PDE4D: variants seen among roughly 807,000 people sequenced by gnomAD.
PDE4D encodes the protein 3',5'-cyclic-AMP phosphodiesterase 4D.
In PDE4D, 24 loss-of-function variants were observed where a neutral mutation model predicts 87.4. The observed-to-expected ratio is 0.27, with a 90% confidence interval of 0.20 to 0.39. The LOEUF (loss-of-function observed/expected upper bound fraction) is 0.39, where lower values mean the gene tolerates loss of function less well. Ranked by LOEUF, PDE4D falls within the 10% of genes least tolerant of loss-of-function variation. PDE4D has a pLI of 1.00. For missense variants in PDE4D, 714 were observed against 1,041.0 expected (o/e 0.69, Z 4.32); for synonymous variants, 384 against 383.2 (o/e 1.00, Z -0.02).
chr5:59,801,889 G>C (rs1180334729), intron 1 of PDE4D, among the ~76,000 whole-genome samples: 1 of 152,112 alleles, frequency 6.6e-6, no homozygotes, highest in African/African-American at 2.4e-5. Context: ...TTCTAGATCA[G>C]AACAAGTTTA....
At chr5:59,157,235 C>A (rs1561587705) in intron 5 of PDE4D, 2 of 690,582 alleles carry the variant, frequency 2.9e-6, no homozygotes, top group South Asian at 3.1e-5. Context: ...CCTAGTAAAT[C>A]ACTTGTATTG....
intron 2 of PDE4D, among the ~76,000 whole-genome samples, chr5:60,012,798 C>T (rs1765142286): frequency 6.6e-6 from 1 of 152,084 alleles, no homozygotes; most frequent in African/African-American, 2.4e-5. Context: ...AACCTGAATC[C>T]CATGAAAATT....
chr5:59,415,552 G>T lies in PDE4D; in HGVS notation c.456-199584C>A, dbSNP rs116929812. Reference sequence around the variant, plus strand: ...TTTATGAATTAAAAGACTGATAGTTGATTTAATAATACTATATTTGGAACA... The same window carrying T: ...TTTATGAATTAAAAGACTGATAGTTTATTTAATAATACTATATTTGGAACA... On this transcript the variant is annotated intron_variant, in intron 1 of 14. Coordinates refer to ENST00000340635, the MANE Select transcript of PDE4D (RefSeq NM_001104631.2). Among the ~76,000 whole-genome samples the T allele has an allele frequency of 2.0e-3, 311 of 152,266 alleles. 9 individuals carry two copies. In the East Asian group the frequency reaches 0.053, roughly 26 times the overall value.
At chr5:60,254,191 G>C (rs75503308) in intron 1 of PDE4D, among the ~76,000 whole-genome samples, 3,619 of 151,980 alleles carry the variant, frequency 0.024, 104 homozygotes, top group African/African-American at 0.075. Flanking sequence ...TTCTTGGGCT[G>C]TAGTCCCTTG....
intron 2 of PDE4D, among the ~76,000 whole-genome samples, chr5:59,213,754 C>T (rs1001016478): frequency 2.0e-5 from 3 of 152,070 alleles, no homozygotes; most frequent in Non-Finnish European, 2.9e-5. Context: ...ATTCAAAAAC[C>T]TAGTAATTAT....
At chr5:59,769,222 A>G (rs2152596043) in intron 1 of PDE4D, among the ~76,000 whole-genome samples, 1 of 152,294 alleles carries the variant, frequency 6.6e-6, no homozygotes, top group East Asian at 1.9e-4. Flanking sequence ...CTCTAGTTAG[A>G]ACCCAAACAA....
At chr5:60,519,570 A>G (rs1284288055) in intron 1 of PDE4D, among the ~76,000 whole-genome samples, 1 of 152,186 alleles carries the variant, frequency 6.6e-6, no homozygotes, top group Non-Finnish European at 1.5e-5. Context: ...TTATTTTCAT[A>G]GTGTACATGA....
At chr5:59,797,921 TATGGA>T (rs1333970407) in intron 1 of PDE4D, among the ~76,000 whole-genome samples, 1 of 152,094 alleles carries the variant, frequency 6.6e-6, no homozygotes, top group Non-Finnish European at 1.5e-5. Flanking sequence ...ATGGCTACTA[TATGGA>T]ATTTCTAGGT....
At chr5:59,142,871 C>T (rs10058671) in intron 5 of PDE4D, among the ~76,000 whole-genome samples, 16,432 of 152,114 alleles carry the variant, frequency 0.11, 1,156 homozygotes, top group Non-Finnish European at 0.15. Context: ...GAGCCGAGAT[C>T]GTGCCACTGC....
intron 2 of PDE4D, among the ~76,000 whole-genome samples, chr5:60,026,301 T>C (rs1485551884): frequency 1.3e-5 from 2 of 152,028 alleles, no homozygotes; most frequent in Non-Finnish European, 2.9e-5. Context: ...CCCAGACAAG[T>C]AGACAAGTGC....
At position 60,181,728 on chromosome 5, in the gene PDE4D, A is replaced by G. The variant is rs16877734; in HGVS notation, c.42+3829T>C. Among the ~76,000 whole-genome samples the G allele has an allele frequency of 7.1e-3, 1,083 of 152,340 alleles. 11 individuals are homozygous for G. Among genetic ancestry groups the G allele is most frequent in the African/African-American group, 0.025 (1,029 of 41,572 alleles). ...AATTGGGAATTTAATGCAAAAGACT[A>G]CAAGAAAGTTTAGAATTTAATACAC... On this transcript the variant is annotated intron_variant, in intron 2 of 16. Coordinates refer to the PDE4D transcript ENST00000502484.
intron 2 of PDE4D, among the ~76,000 whole-genome samples, chr5:60,129,994 G>A (rs898187292): frequency 6.6e-6 from 1 of 152,084 alleles, no homozygotes; most frequent in African/African-American, 2.4e-5. Context: ...GAACCTTCAT[G>A]AATGAAATTA....
intron 1 of PDE4D, among the ~76,000 whole-genome samples, chr5:60,402,500 G>A (rs1471668636): frequency 1.3e-5 from 2 of 152,224 alleles, no homozygotes; most frequent in African/African-American, 4.8e-5. Flanking sequence ...CTACAGCCAC[G>A]AAGAGCTGCT....
chr5:59,819,383 T>A (rs953625507), intron 1 of PDE4D, among the ~76,000 whole-genome samples: 1 of 152,360 alleles, frequency 6.6e-6, no homozygotes, highest in East Asian at 1.9e-4. Context: ...ACTCCAAATC[T>A]ACTACTTTCC....
chr5:60,356,508 A>G (rs1303422787), intron 1 of PDE4D, among the ~76,000 whole-genome samples: 1 of 152,138 alleles, frequency 6.6e-6, no homozygotes, highest in Non-Finnish European at 1.5e-5. Flanking sequence ...GATAATTTTT[A>G]TGAATACTGT....
intron 1 of PDE4D, among the ~76,000 whole-genome samples, chr5:60,281,638 C>A (rs35022567): frequency 6.6e-6 from 1 of 151,804 alleles, no homozygotes. Context: ...CATGACCAAC[C>A]CTTTTTTTAA....
intron 5 of PDE4D, among the ~76,000 whole-genome samples, chr5:59,173,781 G>A (rs979787513): frequency 1.3e-5 from 2 of 152,154 alleles, no homozygotes; most frequent in African/African-American, 2.4e-5. Flanking sequence ...CTCTGGCAAT[G>A]GCTGGGTCTC....
chr5:60,253,620 C>T (rs74840735), intron 1 of PDE4D, among the ~76,000 whole-genome samples: 3,873 of 151,776 alleles, frequency 0.026, 66 homozygotes, highest in Middle Eastern at 0.065. Flanking sequence ...ACCAAAAACG[C>T]GATTATTACC....
At chr5:59,258,693 A>G (rs1323756620) in intron 1 of PDE4D, among the ~76,000 whole-genome samples, 1 of 146,976 alleles carries the variant, frequency 6.8e-6, no homozygotes, top group Non-Finnish European at 1.5e-5. Flanking sequence ...TAGATAACAT[A>G]TATATAATCA....
Sources: gnomAD v4.1 joint callset for allele counts (sites outside exome capture counted in the v4.1 genomes callset) on GRCh38, gnomAD v4.1.1 for gene constraint, MANE v1.5 for transcripts, NCBI Gene and HGNC (gene_info 2026-07-23, HGNC 2026-07-21) for gene names.